The following DMGDH variants were observed in gnomAD, a reference collection of about 807,000 sequenced individuals.
DMGDH encodes the protein dimethylglycine dehydrogenase, mitochondrial.
Under a neutral mutation model 95.2 loss-of-function variants are expected in DMGDH, and 76 were observed. The observed-to-expected ratio is 0.80, with a 90% CI of 0.66 to 0.97. The LOEUF (loss-of-function observed/expected upper bound fraction) is 0.97, where lower values mean the gene tolerates loss of function less well. Among genes scored for constraint, DMGDH ranks in the 50% least tolerant of loss-of-function variants. The pLI is 0.00. For synonymous variants in DMGDH, 345 were observed against 377.6 expected, an observed-to-expected ratio of 0.91 and a Z score of 1.00; for missense variants, 987 against 1,055.0, an observed-to-expected ratio of 0.94 and a Z score of 0.89.
intron 10 of DMGDH, 166 bp downstream of exon 10, chr5:79,030,661 AAAAAAG>A: frequency 1.4e-6 from 1 of 707,586 alleles, no homozygotes; most frequent in Non-Finnish European, 2.2e-6. Flanking sequence ...AAAAAAAAAA[AAAAAAG>A]AAAAGAAAAA....
At chr5:79,018,845 T>C (rs1440934761) in intron 14 of DMGDH, among the ~76,000 whole-genome samples, 2 of 152,228 alleles carry the variant, frequency 1.3e-5, no homozygotes, top group African/African-American at 4.8e-5. Context: ...ATTGGATATA[T>C]ATGAAAATAA....
At chr5:79,054,613 A>G (rs531828312) in intron 3 of DMGDH, among the ~76,000 whole-genome samples, 2 of 152,336 alleles carry the variant, frequency 1.3e-5, no homozygotes, top group Admixed American at 1.3e-4. Context: ...GCCTAAGTGG[A>G]ATTTATACCC....
At chr5:79,012,191 G>A (rs1296050328) in intron 14 of DMGDH, among the ~76,000 whole-genome samples, 1 of 152,110 alleles carries the variant, frequency 6.6e-6, no homozygotes, top group Admixed American at 6.5e-5. Context: ...ATTCCAAAAA[G>A]GAAACATCAG....
intron 5 of DMGDH, among the ~76,000 whole-genome samples, chr5:79,044,975 A>T (rs1243290157): frequency 6.6e-6 from 1 of 152,202 alleles, no homozygotes; most frequent in Non-Finnish European, 1.5e-5. Flanking sequence ...TGTTGCTGTG[A>T]CCAACATAAT....
In DMGDH at chr5:78,997,785, T is replaced by G. The variant is rs1423449891; in HGVS notation, c.*297A>C. The G allele has an allele frequency of 2.7e-6, 1 of 370,974 alleles. No homozygotes were observed. Among genetic ancestry groups the G allele is most frequent in the Admixed American group, 4.4e-5 (1 of 22,772 alleles). The allele number at this position is 370,974 out of a possible 1,614,324, so 23.0% of individuals were successfully genotyped here. Reference sequence around the variant, plus strand: ...AAAATGTCCCTTAATTAGGTTATAGTAATGATTGTGTATATTAGCAAACAC... The same window carrying G: ...AAAATGTCCCTTAATTAGGTTATAGGAATGATTGTGTATATTAGCAAACAC... On this transcript the variant is annotated 3_prime_UTR_variant, in exon 16 of 16. Transcript: ENST00000255189.
chr5:79,034,655 T>C (rs1311662404), intron 7 of DMGDH, among the ~76,000 whole-genome samples: 1 of 152,174 alleles, frequency 6.6e-6, no homozygotes, highest in Admixed American at 6.5e-5. Context: ...GAACCACAGC[T>C]TCTAAGAGCA....
At chr5:79,050,266 AAAAAAAAATATATAT>A (rs1280994923) in intron 5 of DMGDH, among the ~76,000 whole-genome samples, 88 of 56,050 alleles carry the variant, frequency 1.6e-3, no homozygotes, top group African/African-American at 4.5e-3. Context: ...AAAAAAAAAA[AAAAAAAAATATATAT>A]ATATATATAT....
At chr5:79,015,871 T>A (rs1262176705) in intron 14 of DMGDH, among the ~76,000 whole-genome samples, 2 of 152,156 alleles carry the variant, frequency 1.3e-5, no homozygotes, top group African/African-American at 4.8e-5. Flanking sequence ...ATAAACCATA[T>A]AACAAAGTAA....
At chr5:79,022,944 A>G (rs1384211285) in intron 14 of DMGDH, among the ~76,000 whole-genome samples, 2 of 152,196 alleles carry the variant, frequency 1.3e-5, no homozygotes, top group East Asian at 3.8e-4. Context: ...AGAGGGAGCA[A>G]TCTGCTGCTA....
intron 2 of DMGDH, among the ~76,000 whole-genome samples, chr5:79,058,977 C>T (rs1169712317): frequency 6.6e-6 from 1 of 152,162 alleles, no homozygotes; most frequent in Non-Finnish European, 1.5e-5. Flanking sequence ...ATTCCAGTGG[C>T]TCCAAATCTT....
At chr5:79,062,218 T>C (rs1755229647) in intron 2 of DMGDH, among the ~76,000 whole-genome samples, 1 of 151,922 alleles carries the variant, frequency 6.6e-6, no homozygotes, top group African/African-American at 2.4e-5. Context: ...TTTTGCATCC[T>C]TGACTGTACT....
intron 1 of DMGDH, among the ~76,000 whole-genome samples, chr5:79,065,496 G>A (rs1313942576): frequency 6.6e-6 from 1 of 152,186 alleles, no homozygotes; most frequent in African/African-American, 2.4e-5. Context: ...ACAGGCATGA[G>A]CCACCATGCC....
chr5:79,005,411 C>A lies in DMGDH; in HGVS notation c.2251-4G>T. ...GCTTTCCTATGAAGTCTGCTGGCTG[C>A]AGGAATCCAAGATAATGATGATGAA... On this transcript the variant is annotated splice_polypyrimidine_tract_variant and splice_region_variant and intron_variant, in intron 14 of 15. Coordinates refer to ENST00000255189, the MANE Select transcript of DMGDH (RefSeq NM_013391.3). 6.2e-7 allele frequency: 1 copy of A among 1,614,040 alleles called. No individual in the cohort carries two copies. The highest frequency in any genetic ancestry group is 2.2e-5 in the East Asian group (1 of 44,886).
At chr5:79,009,269 C>T (rs952191359) in intron 14 of DMGDH, among the ~76,000 whole-genome samples, 3 of 151,138 alleles carry the variant, frequency 2.0e-5, no homozygotes, top group Admixed American at 2.0e-4. Context: ...CATCCTCAGA[C>T]ATGAAATAAA....
At position 79,033,356 on chromosome 5, in the gene DMGDH, G is replaced by C; in HGVS notation, c.1246C>G (p.Leu416Val). The C allele has an allele frequency of 6.2e-7, 1 of 1,614,138 alleles. No homozygotes were observed. Among genetic ancestry groups the C allele is most frequent in the East Asian group, 2.2e-5 (1 of 44,874 alleles). ...GVGKYLSDWI[L>V]HGEPPFDLIE... is the part of the protein sequence containing the mutation. ...AGATCAAAAGGAGGTTCTCCATGCA[G>C]GATCCAGTCACTGAGATATTTCCCT... Residue 416 changes from leucine (L) to valine (V), a missense_variant, in exon 8 of 16, where the codon CTG (leucine) becomes GTG (valine). By Grantham distance (32) the Leu-to-Val change is conservative. Coordinates refer to ENST00000255189, the MANE Select transcript of DMGDH (RefSeq NM_013391.3).
At chr5:79,018,244 T>A (rs1753778692) in intron 14 of DMGDH, among the ~76,000 whole-genome samples, 1 of 152,120 alleles carries the variant, frequency 6.6e-6, no homozygotes, top group Non-Finnish European at 1.5e-5. Flanking sequence ...TCTCACTATG[T>A]TGCCCAGTCT....
intron 1 of DMGDH, among the ~76,000 whole-genome samples, chr5:79,066,486 G>T (rs1755385748): frequency 6.6e-6 from 1 of 150,570 alleles, no homozygotes; most frequent in Non-Finnish European, 1.5e-5. Context: ...AGTAGAGACG[G>T]GGTTTCTCCA....
chr5:79,040,003 C>A (rs1754463076), intron 7 of DMGDH, among the ~76,000 whole-genome samples: 1 of 144,156 alleles, frequency 6.9e-6, no homozygotes, highest in Non-Finnish European at 1.5e-5. Context: ...TGAGCTGAAT[C>A]CTTTATAATA....
At chr5:79,029,099 A>G (rs1465893903) in intron 11 of DMGDH, among the ~76,000 whole-genome samples, 1 of 152,340 alleles carries the variant, frequency 6.6e-6, no homozygotes, top group Admixed American at 6.5e-5. Flanking sequence ...CAAGGAAAAG[A>G]CAGAAACTCT....
Sources: gnomAD v4.1 joint callset for allele counts (sites outside exome capture counted in the v4.1 genomes callset) on GRCh38, gnomAD v4.1.1 for gene constraint, MANE v1.5 for transcripts, NCBI Gene and HGNC (gene_info 2026-07-23, HGNC 2026-07-21) for gene names.